Variants in UBTD2 observed in about 807,000 individuals in gnomAD.
UBTD2 encodes ubiquitin domain-containing protein 2.
UBTD2 carries 9 observed loss-of-function variants against 19.8 expected under a neutral mutation model. The ratio of observed to expected loss-of-function variants is 0.46; its 90% CI spans 0.27 to 0.79. The LOEUF (loss-of-function observed/expected upper bound fraction) is 0.79. Among genes scored for constraint, UBTD2 ranks in the 30% least tolerant of loss-of-function variants. The pLI is 0.14. For synonymous variants in UBTD2, 98 were observed against 103.9 expected (o/e 0.94, Z 0.35); for missense variants, 250 against 300.4 (o/e 0.83, Z 1.24).
intron 1 of UBTD2, among the ~76,000 whole-genome samples, chr5:172,278,381 T>C (rs2113140937): frequency 1.3e-5 from 2 of 152,040 alleles, no homozygotes; most frequent in East Asian, 3.9e-4. Flanking sequence ...TAGCCAGGCG[T>C]GGTGGTGCGT....
intron 1 of UBTD2, among the ~76,000 whole-genome samples, chr5:172,280,504 C>A (rs1755688716): frequency 9.5e-6 from 1 of 104,854 alleles, no homozygotes; most frequent in East Asian, 4.0e-4. Context: ...AGCAAGACTC[C>A]ATCTCAAAAA....
At chr5:172,236,258 G>A (rs900537170) in intron 1 of UBTD2, among the ~76,000 whole-genome samples, 6 of 152,190 alleles carry the variant, frequency 3.9e-5, no homozygotes, top group African/African-American at 1.4e-4. Context: ...ATGCAAAACA[G>A]GTGAGTTCTG....
chr5:172,240,455 A>G (rs1214355266), intron 1 of UBTD2, among the ~76,000 whole-genome samples: 1 of 152,192 alleles, frequency 6.6e-6, no homozygotes, highest in Non-Finnish European at 1.5e-5. Context: ...AGGCATTTAT[A>G]TAATTTCAAT....
At chr5:172,266,749 A>C (rs1269512736) in intron 1 of UBTD2, among the ~76,000 whole-genome samples, 2 of 152,160 alleles carry the variant, frequency 1.3e-5, no homozygotes, top group African/African-American at 2.4e-5. Context: ...TAAGCAGCCA[A>C]AAGTTGGCCG....
chr5:172,283,311 G>A lies in UBTD2; in HGVS notation c.70+285C>T, dbSNP rs952544235. Among the ~76,000 whole-genome samples the A allele has an allele frequency of 1.3e-5, 2 of 152,116 alleles. No homozygotes were observed. The highest frequency in any genetic ancestry group is 2.4e-5 in the African/African-American group (1 of 41,422). ...AACGGCCTGGAGAGGGAGTGAGGTG[G>A]CCAGAAGGGCAGCTTCGGGTCCGAC... On this transcript the variant is annotated intron_variant, in intron 1 of 2. Transcript: ENST00000393792. The surrounding 1 kb of genome is among the most constrained non-coding windows in gnomAD (Gnocchi z 4.3).
intron 2 of UBTD2, among the ~76,000 whole-genome samples, chr5:172,221,713 T>G (rs550527654): frequency 6.6e-6 from 1 of 152,126 alleles, no homozygotes; most frequent in African/African-American, 2.4e-5. Flanking sequence ...CAGGGATGAA[T>G]AGGTAGAACA....
chr5:172,223,990 AAAG>A (rs1771709387), intron 2 of UBTD2, among the ~76,000 whole-genome samples: 2 of 152,214 alleles, frequency 1.3e-5, no homozygotes, highest in South Asian at 2.1e-4. Context: ...ACGACAGCTT[AAAG>A]AAGGAAATGG....
In UBTD2 at chr5:172,242,401, A is replaced by G. The variant is rs1271359655; in HGVS notation, c.71-8043T>C. Reference sequence around the variant, plus strand: ...CAAAATGTTTTTCATACCAAGTTCCAATCAAGGCTTATGTGTTGTCATTTG... The same window carrying G: ...CAAAATGTTTTTCATACCAAGTTCCGATCAAGGCTTATGTGTTGTCATTTG... On this transcript the variant is annotated intron_variant, in intron 1 of 2. Transcript: ENST00000393792. 4.8e-5 allele frequency: 47 copies of G among 985,282 alleles called. No homozygotes were observed. In the Admixed American group the frequency reaches 2.8e-3, roughly 59 times the overall value. The allele number at this position is 985,282 out of a possible 1,614,324, so 61.0% of individuals were successfully genotyped here. A position where few individuals can be genotyped will look rare whatever the true frequency, so the allele number is the denominator to read the frequency against.
At chr5:172,226,406 T>G (rs1366535698) in intron 2 of UBTD2, among the ~76,000 whole-genome samples, 1 of 150,452 alleles carries the variant, frequency 6.6e-6, no homozygotes, top group Non-Finnish European at 1.5e-5. Flanking sequence ...CCTCAAGAAT[T>G]ATAGTACCTC....
chr5:172,269,031 T>C (rs1755430089), intron 1 of UBTD2, among the ~76,000 whole-genome samples: 3 of 152,138 alleles, frequency 2.0e-5, no homozygotes, highest in African/African-American at 7.2e-5. Flanking sequence ...GATGTCTATA[T>C]TCACTTTCAA....
At chr5:172,274,090 A>G (rs915499050) in intron 1 of UBTD2, among the ~76,000 whole-genome samples, 1 of 151,606 alleles carries the variant, frequency 6.6e-6, no homozygotes, top group Non-Finnish European at 1.5e-5. Context: ...CTAGGGATAC[A>G]AGGAGACTAA....
intron 2 of UBTD2, among the ~76,000 whole-genome samples, chr5:172,225,749 T>C (rs977111618): frequency 6.6e-6 from 1 of 152,136 alleles, no homozygotes; most frequent in Non-Finnish European, 1.5e-5. Flanking sequence ...TTAATAAAGT[T>C]GACAAACTTA....
At chr5:172,276,682 TA>T (rs1258305383) in intron 1 of UBTD2, among the ~76,000 whole-genome samples, 3 of 151,450 alleles carry the variant, frequency 2.0e-5, no homozygotes, top group Non-Finnish European at 4.4e-5. Context: ...TAAGGTTCAT[TA>T]TTGGGGTGCA....
chr5:172,249,110 T>C (rs183987264), intron 1 of UBTD2, among the ~76,000 whole-genome samples: 133 of 151,920 alleles, frequency 8.8e-4, no homozygotes, highest in Admixed American at 1.8e-3. Context: ...ATAGAATTAA[T>C]AGTGGGGCCG....
intron 1 of UBTD2, among the ~76,000 whole-genome samples, chr5:172,238,215 C>G (rs1772051070): frequency 6.6e-6 from 1 of 152,186 alleles, no homozygotes; most frequent in Non-Finnish European, 1.5e-5. Flanking sequence ...CTTCTGACTG[C>G]TGATACCAAA....
chr5:172,230,212 A>G (rs745465918), intron 2 of UBTD2, among the ~76,000 whole-genome samples: 6 of 152,204 alleles, frequency 3.9e-5, no homozygotes, highest in Non-Finnish European at 7.3e-5. Context: ...TACTCTCCCC[A>G]TTGCCACTTG....
At chr5:172,241,949 T>C (rs1458138219) in intron 1 of UBTD2, among the ~76,000 whole-genome samples, 1 of 152,218 alleles carries the variant, frequency 6.6e-6, no homozygotes, top group African/African-American at 2.4e-5. Context: ...GCCTGGGAGA[T>C]GTAGGCTGCA....
chr5:172,224,778 A>C (rs1362078123), intron 2 of UBTD2, among the ~76,000 whole-genome samples: 1 of 152,180 alleles, frequency 6.6e-6, no homozygotes, highest in Non-Finnish European at 1.5e-5. Context: ...TAAATTACCT[A>C]GTCTCCGGCA....
intron 1 of UBTD2, among the ~76,000 whole-genome samples, chr5:172,281,882 C>T (rs6888160): frequency 0.33 from 50,049 of 151,936 alleles, 8,364 homozygotes; most frequent in South Asian, 0.42. Flanking sequence ...GCAGAGCTTA[C>T]GGTCCAGAGA....
Sources: allele counts gnomAD v4.1 joint callset (sites outside exome capture counted in the v4.1 genomes callset), GRCh38; gene constraint gnomAD v4.1.1; non-coding constraint Gnocchi (gnomAD v3.1); transcripts MANE v1.5; gene names NCBI Gene and HGNC (gene_info 2026-07-23, HGNC 2026-07-21).